SPTLC1: variants seen among roughly 807,000 people sequenced by gnomAD.
The protein encoded by SPTLC1 is serine palmitoyltransferase 1.
In SPTLC1, 55 loss-of-function variants were observed where a neutral mutation model predicts 68.9. The ratio of observed to expected loss-of-function variants is 0.80; its 90% CI spans 0.64 to 1.00. The LOEUF is 1.00. Among genes scored for constraint, SPTLC1 ranks in the 50% least tolerant of loss-of-function variants. SPTLC1 has a pLI of 0.00. For missense variants in SPTLC1, 449 were observed against 573.1 expected (o/e 0.78, Z 2.21); for synonymous variants, 197 against 201.6 (o/e 0.98, Z 0.19).
At chr9:92,057,650 C>A (rs926980833) in intron 7 of SPTLC1, among the ~76,000 whole-genome samples, 1 of 152,122 alleles carries the variant, frequency 6.6e-6, no homozygotes, top group East Asian at 1.9e-4. Flanking sequence ...ATTATGGGAA[C>A]CCTGTAGGAA....
chr9:92,097,779 C>T (rs1386419240), intron 3 of SPTLC1, among the ~76,000 whole-genome samples: 1 of 152,048 alleles, frequency 6.6e-6, no homozygotes, highest in African/African-American at 2.4e-5. Context: ...TGCTAAAAAC[C>T]ACTTAATTAT....
At chr9:92,045,898 T>A in intron 12 of SPTLC1, 101 bp downstream of exon 12, 1 of 1,086,696 alleles carries the variant, frequency 9.2e-7, no homozygotes, top group Non-Finnish European at 1.4e-6. Context: ...TTAGCTGCAA[T>A]CTGGTCAAAC....
chr9:92,069,926 T>C (rs2118610411), intron 5 of SPTLC1, among the ~76,000 whole-genome samples: 1 of 152,374 alleles, frequency 6.6e-6, no homozygotes, highest in Non-Finnish European at 1.5e-5. Flanking sequence ...TTCTTAGCTC[T>C]AAATGACTCC....
At chr9:92,064,372 T>A (rs1834210970) in intron 6 of SPTLC1, among the ~76,000 whole-genome samples, 1 of 152,226 alleles carries the variant, frequency 6.6e-6, no homozygotes, top group Non-Finnish European at 1.5e-5. Flanking sequence ...AATATGCACA[T>A]GAATGGATGT....
chr9:92,072,210 G>A (rs1834519509), intron 5 of SPTLC1, among the ~76,000 whole-genome samples: 1 of 152,126 alleles, frequency 6.6e-6, no homozygotes, highest in African/African-American at 2.4e-5. Context: ...TTCCATCAAA[G>A]AGACTTCCCT....
chr9:92,105,004 C>A (rs1019844279), intron 3 of SPTLC1: 86 of 1,520,234 alleles, frequency 5.7e-5, no homozygotes, highest in Non-Finnish European at 6.0e-5. Flanking sequence ...CAGTTCCGGG[C>A]TGCTCCCTGT....
intron 5 of SPTLC1, among the ~76,000 whole-genome samples, chr9:92,069,134 C>A (rs971557204): frequency 6.6e-6 from 1 of 152,136 alleles, no homozygotes; most frequent in Non-Finnish European, 1.5e-5. Flanking sequence ...CGTGATGTGT[C>A]TACTGATGAG....
chr9:92,064,967 G>C (rs1005533385), intron 6 of SPTLC1, among the ~76,000 whole-genome samples: 20 of 152,362 alleles, frequency 1.3e-4, no homozygotes, highest in Admixed American at 1.2e-3. Context: ...TGGGAGGAAT[G>C]TGGATGTGGC....
intron 8 of SPTLC1, chr9:92,055,192 C>T (rs1564090726): frequency 1.0e-6 from 1 of 983,286 alleles, no homozygotes; most frequent in Non-Finnish European, 1.2e-6. Context: ...CACCACTGCA[C>T]TCCAGCCTGG....
In SPTLC1 at chr9:92,055,254, T is replaced by C; in HGVS notation, c.780+151A>G. Reference sequence around the variant, plus strand: ...TGAAGGCCAGCACTGGCATTCAGTGTTGTTCTTCTTCCCTGATCTGAGCAA... The same window carrying C: ...TGAAGGCCAGCACTGGCATTCAGTGCTGTTCTTCTTCCCTGATCTGAGCAA... On this transcript the variant is annotated intron_variant, in intron 8 of 14. Transcript: ENST00000262554. The C allele has an allele frequency of 3.3e-6, 5 of 1,498,718 alleles. No individual in the cohort carries two copies. The South Asian group carries it at 6.3e-5, about 19-fold the overall frequency. 92.8% of individuals were successfully genotyped at this position (1,498,718 alleles called of 1,614,324 possible). A position where few individuals can be genotyped will look rare whatever the true frequency, so the allele number is the denominator to read the frequency against.
intron 14 of SPTLC1, among the ~76,000 whole-genome samples, 189 bp from the exon 15 acceptor site, chr9:92,032,747 G>GT (rs1208341766): frequency 6.6e-6 from 1 of 151,900 alleles, no homozygotes; most frequent in Non-Finnish European, 1.5e-5. Context: ...GTGGTGGCGG[G>GT]TGCCTGTAGT....
intron 5 of SPTLC1, among the ~76,000 whole-genome samples, chr9:92,074,587 T>C (rs1010885707): frequency 6.6e-6 from 1 of 151,982 alleles, no homozygotes; most frequent in African/African-American, 2.4e-5. Context: ...GCCACCCTTA[T>C]CCTGCTCAAT....
Position 92,080,094 on chromosome 9 carries a change from T to C in SPTLC1, c.355-6A>G, listed in dbSNP as rs1834825778. ...AGAGATGCTAAAGCTGCTGCCTTTA[T>C]TGAAGTACAAGAATTATACTTTAAT... On this transcript the variant is annotated splice_polypyrimidine_tract_variant and splice_region_variant and intron_variant, in intron 4 of 14. Coordinates refer to ENST00000262554, the MANE Select transcript of SPTLC1 (RefSeq NM_006415.4). 1 of 1,609,520 alleles carries C rather than the reference T, an allele frequency of 6.2e-7. No homozygotes were observed. Among genetic ancestry groups the C allele is most frequent in the Non-Finnish European group, 8.5e-7 (1 of 1,176,656 alleles).
chr9:92,069,122 G>A (rs895053102), intron 5 of SPTLC1, among the ~76,000 whole-genome samples: 1 of 152,172 alleles, frequency 6.6e-6, no homozygotes, highest in South Asian at 2.1e-4. Context: ...GGATGAGTGA[G>A]CCGTGATGTG....
chr9:92,089,651 G>C (rs1362961151), intron 3 of SPTLC1, among the ~76,000 whole-genome samples: 6 of 152,190 alleles, frequency 3.9e-5, no homozygotes. Context: ...TAGCTCTACA[G>C]GGAAAAACTG....
At chr9:92,050,406 G>T (rs952223444) in intron 8 of SPTLC1, 1 of 304,494 alleles carries the variant, frequency 3.3e-6, no homozygotes, top group Non-Finnish European at 6.4e-6. Context: ...GGACTTCTGT[G>T]CTTTTTGTTG....
At position 92,055,440 on chromosome 9, in the gene SPTLC1, T is replaced by C. The variant is rs1279567220; in HGVS notation, c.745A>G (p.Met249Val). 1.2e-6 allele frequency: 2 copies of C among 1,613,750 alleles called. No homozygotes were observed. Among genetic ancestry groups the C allele is most frequent in the Admixed American group, 3.3e-5 (2 of 60,016 alleles). ...AGAGGACAAATAGTTCCAGTATTCA[T>C]ATACAATCCTTCTACTACAATGAAA... The part of the protein sequence containing the change: ...RRFIVVEGLY[M>V]NTGTICPLPE... The change falls in exon 8 of 15, where the codon ATG becomes GTG. Residue 249 changes from methionine to valine, a missense_variant. By Grantham distance (21) the Met-to-Val change is conservative (BLOSUM62 1). Transcript: ENST00000262554.
intron 5 of SPTLC1, among the ~76,000 whole-genome samples, chr9:92,074,964 G>T (rs1834628749): frequency 6.6e-6 from 1 of 152,004 alleles, no homozygotes; most frequent in African/African-American, 2.4e-5. Flanking sequence ...CAACTCACCT[G>T]GACCGTCCTG....
At chr9:92,064,639 T>C (rs1010902649) in intron 6 of SPTLC1, among the ~76,000 whole-genome samples, 2 of 152,246 alleles carry the variant, frequency 1.3e-5, no homozygotes, top group African/African-American at 4.8e-5. Context: ...TATGCTCACA[T>C]AGCATGAATG....
Sources: allele counts gnomAD v4.1 joint callset (sites outside exome capture counted in the v4.1 genomes callset), GRCh38; gene constraint gnomAD v4.1.1; transcripts MANE v1.5; gene names NCBI Gene and HGNC (gene_info 2026-07-23, HGNC 2026-07-21).